RBFOX1: variants seen among roughly 807,000 people sequenced by gnomAD.
RBFOX1 encodes the protein RNA binding protein fox-1 homolog 1.
Under a neutral mutation model 57.7 loss-of-function variants are expected in RBFOX1, and 8 were observed. That is an observed-to-expected ratio of 0.14 (90% CI 0.08 to 0.25). The LOEUF (loss-of-function observed/expected upper bound fraction) is 0.25. Among genes scored for constraint, RBFOX1 ranks in the 10% least tolerant of loss-of-function variants. RBFOX1 has a pLI of 1.00. For synonymous variants in RBFOX1, 326 were observed against 222.4 expected (o/e 1.47, Z -4.15); for missense variants, 611 against 548.5 (o/e 1.11, Z -1.14).
chr16:7,569,865 A>C (rs564604606), intron 5 of RBFOX1, among the ~76,000 whole-genome samples: 130 of 152,004 alleles, frequency 8.6e-4, no homozygotes, highest in African/African-American at 3.1e-3. Flanking sequence ...TGTCTCCAAA[A>C]AAAACAAAAC....
chr16:7,099,667 A>G (rs1338869659), intron 4 of RBFOX1, among the ~76,000 whole-genome samples: 2 of 152,146 alleles, frequency 1.3e-5, no homozygotes. Flanking sequence ...GAGACATGAG[A>G]CATCAATCAA....
intron 4 of RBFOX1, among the ~76,000 whole-genome samples, chr16:7,487,677 ACACT>A (rs578240015): frequency 6.6e-6 from 1 of 152,142 alleles, no homozygotes; most frequent in Non-Finnish European, 1.5e-5. Context: ...ACACGCACAG[ACACT>A]CACACACACA....
chr16:6,762,452 C>A (rs764712353), intron 3 of RBFOX1, among the ~76,000 whole-genome samples: 4 of 151,988 alleles, frequency 2.6e-5, no homozygotes, highest in African/African-American at 4.8e-5. Flanking sequence ...GGATTACCTA[C>A]CTGTAAGAAC....
In RBFOX1 at chr16:5,478,920, A is replaced by C. The variant is rs369447776; in HGVS notation, c.258+11666A>C. ...TGTATTTGGGTTTAGGGATGAGGGC[A>C]GAGGTGGGATCCTCACTATCACTAG... On this transcript the variant is annotated intron_variant, in intron 2 of 2. Transcript: ENST00000585867. 1.5e-4 allele frequency among the ~76,000 whole-genome samples: 23 copies of C among 152,222 alleles called. 1 individual carries two copies. The East Asian group carries it at 1.5e-3, about 10-fold the overall frequency.
At position 7,518,364 on chromosome 16, in the gene RBFOX1, C is replaced by T. The variant is rs780839692; in HGVS notation, c.245C>T (p.Ala82Val). The change falls in exon 5 of 16, where the codon GCT (alanine) becomes GTT (valine). Residue 82 changes from alanine to valine, a missense_variant. Ala to Val is a moderately conservative substitution (Grantham distance 64). Coordinates refer to ENST00000550418, the MANE Select transcript of RBFOX1 (RefSeq NM_018723.4). ...GAGCAGAGCCCGGCGGACACGAGCG[C>T]TCAGACCGTCTCTGGCACCGCCACA... Reference protein sequence around the residue: ...HSEQSPADTSAQTVSGTATQT... With the variant: ...HSEQSPADTSVQTVSGTATQT... The T allele has an allele frequency of 2.9e-5, 46 of 1,611,602 alleles. No individual in the cohort carries two copies. Among genetic ancestry groups the T allele is most frequent in the Non-Finnish European group, 3.6e-5 (43 of 1,178,266 alleles).
At chr16:7,414,888 G>A (rs2098463961) in intron 4 of RBFOX1, among the ~76,000 whole-genome samples, 1 of 152,200 alleles carries the variant, frequency 6.6e-6, no homozygotes, top group Non-Finnish European at 1.5e-5. Flanking sequence ...AAAATGCTGG[G>A]ATTACAGGTG....
Position 5,911,602 on chromosome 16 carries a change from A to G in RBFOX1, c.351+44267A>G, listed in dbSNP as rs912045308. On this transcript the variant is annotated intron_variant, in intron 4 of 19. Transcript: ENST00000641259. Reference sequence around the variant, plus strand: ...AGCTTCTGACGGGGGGTGCGGAGGCATTGTTTTACTCTGTTTGGGCTGATG... The same window carrying G: ...AGCTTCTGACGGGGGGTGCGGAGGCGTTGTTTTACTCTGTTTGGGCTGATG... 5.3e-5 allele frequency among the ~76,000 whole-genome samples: 8 copies of G among 152,274 alleles called. No individual in the cohort carries two copies. In the South Asian group the frequency reaches 1.7e-3, roughly 32 times the overall value.
At chr16:7,675,782 C>A (rs2073098146) in intron 13 of RBFOX1, among the ~76,000 whole-genome samples, 1 of 152,196 alleles carries the variant, frequency 6.6e-6, no homozygotes, top group African/African-American at 2.4e-5. Flanking sequence ...GGTGAGGACA[C>A]TTACCTCAGA....
intron 3 of RBFOX1, among the ~76,000 whole-genome samples, chr16:6,713,762 C>T (rs927128347): frequency 6.6e-6 from 1 of 152,148 alleles, no homozygotes; most frequent in Admixed American, 6.5e-5. Context: ...CTGGCAACTC[C>T]TGCTCACCCT....
intron 4 of RBFOX1, among the ~76,000 whole-genome samples, chr16:7,163,367 T>A (rs889200664): frequency 7.2e-5 from 11 of 152,184 alleles, no homozygotes; most frequent in African/African-American, 2.7e-4. Context: ...GAGGAGATTT[T>A]GCTTTGGAAA....
chr16:5,440,667 A>G (rs1165155335), intron 1 of RBFOX1, among the ~76,000 whole-genome samples: 2 of 152,202 alleles, frequency 1.3e-5, no homozygotes, highest in African/African-American at 2.4e-5. Context: ...CTACCTGGCC[A>G]GGAGCCACAT....
intron 4 of RBFOX1, among the ~76,000 whole-genome samples, chr16:7,438,440 G>T (rs140067352): frequency 8.9e-4 from 136 of 152,134 alleles, no homozygotes; most frequent in Admixed American, 3.1e-3. Flanking sequence ...TCCTGGGAGG[G>T]CAGAAGAAGG....
chr16:6,961,162 C>T (rs1055083929), intron 3 of RBFOX1, among the ~76,000 whole-genome samples: 4 of 150,800 alleles, frequency 2.7e-5, no homozygotes, highest in African/African-American at 7.3e-5. Context: ...GACACACACA[C>T]GCAAAAGAAA....
intron 1 of RBFOX1, among the ~76,000 whole-genome samples, chr16:5,372,665 G>C (rs916745091): frequency 6.6e-6 from 1 of 152,176 alleles, no homozygotes; most frequent in East Asian, 1.9e-4. Context: ...AATCAGAACA[G>C]AATCGGCTTT....
chr16:7,701,442 G>A (rs1232160240), intron 14 of RBFOX1, among the ~76,000 whole-genome samples: 1 of 152,182 alleles, frequency 6.6e-6, no homozygotes. Context: ...AACTGTGCAT[G>A]TGAGGCATCT....
intron 1 of RBFOX1, among the ~76,000 whole-genome samples, chr16:5,356,049 C>G (rs907203001): frequency 6.6e-6 from 1 of 152,194 alleles, no homozygotes; most frequent in Non-Finnish European, 1.5e-5. Context: ...CAAGATCACA[C>G]CACTGCACTC....
At chr16:7,596,533 G>C (rs1030734206) in intron 8 of RBFOX1, among the ~76,000 whole-genome samples, 1 of 152,078 alleles carries the variant, frequency 6.6e-6, no homozygotes, top group African/African-American at 2.4e-5. Flanking sequence ...TGAATGGTAA[G>C]TGGTGAAGTC....
At chr16:7,636,272 G>T (rs1383659908) in intron 11 of RBFOX1, among the ~76,000 whole-genome samples, 6 of 152,204 alleles carry the variant, frequency 3.9e-5, no homozygotes, top group Non-Finnish European at 7.3e-5. Context: ...GCTCTATTTT[G>T]CAAATTGCAT....
At chr16:7,173,032 C>T (rs1201776804) in intron 4 of RBFOX1, among the ~76,000 whole-genome samples, 2 of 152,070 alleles carry the variant, frequency 1.3e-5, no homozygotes, top group Admixed American at 1.3e-4. Flanking sequence ...CTAGAATTTC[C>T]TGGTAGAAAT....
Sources: allele counts gnomAD v4.1 joint callset (sites outside exome capture counted in the v4.1 genomes callset), GRCh38; gene constraint gnomAD v4.1.1; transcripts MANE v1.5; gene names NCBI Gene and HGNC (gene_info 2026-07-23, HGNC 2026-07-21).